Variants in SOX5 observed in about 807,000 individuals in gnomAD.
SOX5 encodes transcription factor SOX-5.
A neutral mutation model predicts 92.0 loss-of-function variants in SOX5; 9 were observed. The observed-to-expected ratio is 0.10, with a 90% CI of 0.06 to 0.17. The LOEUF is 0.17. Ranked by LOEUF, SOX5 falls within the 10% of genes least tolerant of loss-of-function variation. SOX5 has a pLI of 1.00. For synonymous variants in SOX5, 344 were observed against 336.3 expected (o/e 1.02, Z -0.25); for missense variants, 642 against 944.5 (o/e 0.68, Z 4.20).
intron 4 of SOX5, among the ~76,000 whole-genome samples, chr12:24,091,560 G>C (rs1242451117): frequency 6.6e-6 from 1 of 150,990 alleles, no homozygotes; most frequent in East Asian, 2.0e-4. Context: ...CTCCCAAGTA[G>C]CTGGGATTAC....
chr12:23,955,441 G>T (rs949866127), upstream of SOX5, among the ~76,000 whole-genome samples: 1 of 152,050 alleles, frequency 6.6e-6, no homozygotes, highest in East Asian at 1.9e-4. Context: ...AGGTTTCCTT[G>T]CCTAATACGT....
At chr12:23,884,750 A>T (rs1408234130) in intron 2 of SOX5, among the ~76,000 whole-genome samples, 5 of 152,224 alleles carry the variant, frequency 3.3e-5, no homozygotes, top group African/African-American at 1.2e-4. Flanking sequence ...ACTATCCAAG[A>T]ATGTTTTCCA....
chr12:24,506,406 CAA>C (rs869163879), intron 1 of SOX5, among the ~76,000 whole-genome samples: 2 of 83,910 alleles, frequency 2.4e-5, no homozygotes, highest in Admixed American at 2.4e-4. Context: ...CATAAATTTA[CAA>C]AAAAAAAAAA....
At chr12:24,540,344 T>C (rs912883734) in intron 1 of SOX5, among the ~76,000 whole-genome samples, 6 of 152,062 alleles carry the variant, frequency 3.9e-5, no homozygotes, top group African/African-American at 1.4e-4. Context: ...ACATACCTTG[T>C]CATCTAAGTT....
At chr12:23,616,807 G>A (rs1418521682) in intron 8 of SOX5, among the ~76,000 whole-genome samples, 1 of 152,090 alleles carries the variant, frequency 6.6e-6, no homozygotes, top group Non-Finnish European at 1.5e-5. Flanking sequence ...TCAAAAGGCT[G>A]AAGAGTTAGT....
intron 4 of SOX5, among the ~76,000 whole-genome samples, chr12:23,976,485 C>T (rs1275682423): frequency 6.7e-6 from 1 of 149,678 alleles, no homozygotes; most frequent in Non-Finnish European, 1.5e-5. Flanking sequence ...CTAGTAGAGC[C>T]CAAGAAACAA....
chr12:23,638,439 T>G (rs891209369), intron 8 of SOX5: 1 of 151,998 alleles, frequency 6.6e-6, no homozygotes, highest in Non-Finnish European at 1.5e-5. Context: ...ATATGGAAAA[T>G]AGAGATTTAA....
chr12:24,203,992 A>G (rs2139583739), intron 4 of SOX5, among the ~76,000 whole-genome samples: 1 of 152,258 alleles, frequency 6.6e-6, no homozygotes, highest in East Asian at 1.9e-4. Flanking sequence ...CTACACCAAA[A>G]AAGTCCATTC....
At chr12:23,664,432 T>C (rs2139401159) in intron 7 of SOX5, among the ~76,000 whole-genome samples, 1 of 152,234 alleles carries the variant, frequency 6.6e-6, no homozygotes, top group South Asian at 2.1e-4. Flanking sequence ...CTTTTATCAA[T>C]GAAAATATTT....
chr12:24,490,947 G>A (rs1203463807), intron 1 of SOX5, among the ~76,000 whole-genome samples: 1 of 151,962 alleles, frequency 6.6e-6, no homozygotes, highest in African/African-American at 2.4e-5. Context: ...AATACCAAAA[G>A]AGCTGCCATA....
intron 1 of SOX5, among the ~76,000 whole-genome samples, chr12:24,524,257 A>G (rs1392811185): frequency 6.6e-6 from 1 of 152,180 alleles, no homozygotes; most frequent in Non-Finnish European, 1.5e-5. Context: ...CCAGCACCTC[A>G]GGGTCTTCAG....
chr12:24,193,212 A>T (rs1340707027), intron 4 of SOX5, among the ~76,000 whole-genome samples: 2 of 152,216 alleles, frequency 1.3e-5, no homozygotes, highest in Non-Finnish European at 2.9e-5. Context: ...AGATATTAAG[A>T]GGCTGAATGT....
At chr12:23,761,321 G>A (rs2094556643) in intron 3 of SOX5, among the ~76,000 whole-genome samples, 1 of 152,042 alleles carries the variant, frequency 6.6e-6, no homozygotes, top group Non-Finnish European at 1.5e-5. Flanking sequence ...ACACGCATTC[G>A]ATTGTCATGC....
chr12:24,162,524 T>C (rs573149457), intron 4 of SOX5, among the ~76,000 whole-genome samples: 17 of 152,216 alleles, frequency 1.1e-4, no homozygotes, highest in African/African-American at 3.9e-4. Context: ...GAAATAGTAA[T>C]GAGGAAACTT....
chr12:24,210,620 G>A (rs1958501428), intron 4 of SOX5, among the ~76,000 whole-genome samples: 1 of 152,058 alleles, frequency 6.6e-6, no homozygotes, highest in Non-Finnish European at 1.5e-5. Flanking sequence ...CTAACTGAAT[G>A]CACACAATTT....
chr12:24,555,874 G>A (rs544256601), intron 1 of SOX5, among the ~76,000 whole-genome samples: 1 of 152,312 alleles, frequency 6.6e-6, no homozygotes, highest in African/African-American at 2.4e-5. Context: ...TGTTTTGAGA[G>A]TGTAACTGAC....
intron 6 of SOX5, among the ~76,000 whole-genome samples, chr12:23,705,658 T>C (rs572756406): frequency 4.7e-4 from 72 of 152,146 alleles, no homozygotes; most frequent in African/African-American, 1.7e-3. Flanking sequence ...GTGGTACCCT[T>C]TACAAACCAC....
At chr12:23,888,184 A>G (rs977757823) in intron 2 of SOX5, among the ~76,000 whole-genome samples, 3 of 152,134 alleles carry the variant, frequency 2.0e-5, no homozygotes, top group African/African-American at 7.2e-5. Context: ...TCCACTGATA[A>G]ATATTCATTG....
At chr12:24,240,555 CTT>C in intron 3 of SOX5, among the ~76,000 whole-genome samples, 1 of 152,248 alleles carries the variant, frequency 6.6e-6, no homozygotes, top group Non-Finnish European at 1.5e-5. Flanking sequence ...ACATCATTGT[CTT>C]ATTGGACAAA....
Sources: gnomAD v4.1 joint callset for allele counts (sites outside exome capture counted in the v4.1 genomes callset) on GRCh38, gnomAD v4.1.1 for gene constraint, MANE v1.5 for transcripts, NCBI Gene and HGNC (gene_info 2026-07-23, HGNC 2026-07-21) for gene names.